The following LMOD1 variants were observed in gnomAD, a reference collection of about 807,000 sequenced individuals.
LMOD1 encodes the protein leiomodin-1.
LMOD1 carries 8 observed loss-of-function variants against 36.5 expected under a neutral mutation model. That is an observed-to-expected ratio of 0.22 (90% CI 0.13 to 0.40). The LOEUF (loss-of-function observed/expected upper bound fraction) is 0.40. LMOD1 is among the 10% of genes least tolerant of loss of function. The pLI is 1.00. For synonymous variants in LMOD1, 284 were observed against 288.7 expected (o/e 0.98, Z 0.17); for missense variants, 630 against 751.1 (o/e 0.84, Z 1.88).
At chr1:201,914,570 C>T (rs1049834582) in intron 1 of LMOD1, among the ~76,000 whole-genome samples, 1 of 152,086 alleles carries the variant, frequency 6.6e-6, no homozygotes, top group Non-Finnish European at 1.5e-5. Context: ...ATTCTTCTCC[C>T]TTCTCTTAGT....
At position 201,902,788 on chromosome 1, in the gene LMOD1, A is replaced by T. The variant is rs551233727; in HGVS notation, c.262-2037T>A. On this transcript the variant is annotated intron_variant, in intron 1 of 2. Transcript: ENST00000367288. Reference sequence around the variant, plus strand: ...CACAGCATAAGCCACCCACACCTCCATGGATCCCTGTTTCTTCCTCCGTAA... The same window carrying T: ...CACAGCATAAGCCACCCACACCTCCTTGGATCCCTGTTTCTTCCTCCGTAA... Among the ~76,000 whole-genome samples the T allele has an allele frequency of 5.3e-5, 8 of 152,226 alleles. No homozygotes were observed. The East Asian group carries it at 1.5e-3, about 29-fold the overall frequency.
At chr1:201,915,140 C>T (rs1198229428) in intron 1 of LMOD1, among the ~76,000 whole-genome samples, 1 of 152,128 alleles carries the variant, frequency 6.6e-6, no homozygotes. Flanking sequence ...TGGCCAGGTC[C>T]TTCCTTCAAA....
At chr1:201,901,688 G>GTA (rs1345764128) in intron 1 of LMOD1, among the ~76,000 whole-genome samples, 2 of 92,118 alleles carry the variant, frequency 2.2e-5, no homozygotes, top group Middle Eastern at 5.2e-3. Flanking sequence ...ATATATATAT[G>GTA]TGTATATATA....
At chr1:201,901,642 A>G (rs1558234867) in intron 1 of LMOD1, among the ~76,000 whole-genome samples, 2 of 77,996 alleles carry the variant, frequency 2.6e-5, no homozygotes, top group Admixed American at 1.8e-4. Flanking sequence ...ATATATATAT[A>G]TATATACATA....
intron 1 of LMOD1, among the ~76,000 whole-genome samples, chr1:201,926,858 A>AAT (rs928524046): frequency 5.9e-5 from 9 of 152,208 alleles, no homozygotes; most frequent in Admixed American, 3.9e-4. Context: ...CTCTACAAAA[A>AAT]ATACAAAAAA....
chr1:201,922,811 T>C (rs969947322), intron 1 of LMOD1, among the ~76,000 whole-genome samples: 4 of 151,642 alleles, frequency 2.6e-5, no homozygotes, highest in African/African-American at 7.2e-5. Context: ...AAACACTGCA[T>C]TGGGTATTTT....
At chr1:201,916,432 T>C (rs946582559) in intron 1 of LMOD1, among the ~76,000 whole-genome samples, 1 of 152,054 alleles carries the variant, frequency 6.6e-6, no homozygotes, top group Non-Finnish European at 1.5e-5. Flanking sequence ...GAGGATCACC[T>C]GAGCCAAGGG....
At chr1:201,935,386 G>T (rs1681999471) in intron 1 of LMOD1, among the ~76,000 whole-genome samples, 1 of 120,848 alleles carries the variant, frequency 8.3e-6, no homozygotes, top group South Asian at 2.7e-4. Flanking sequence ...TCCCCTTGGG[G>T]GTCTACTAAG....
intron 1 of LMOD1, among the ~76,000 whole-genome samples, chr1:201,926,791 A>G (rs1681832562): frequency 6.6e-6 from 1 of 152,096 alleles, no homozygotes; most frequent in South Asian, 2.1e-4. Context: ...CTGAGGAGGG[A>G]GGATTGCTTG....
At chr1:201,921,823 G>A (rs572919258) in intron 1 of LMOD1, among the ~76,000 whole-genome samples, 1 of 152,126 alleles carries the variant, frequency 6.6e-6, no homozygotes, top group Non-Finnish European at 1.5e-5. Context: ...AGCCAGGCGT[G>A]GTGGTGGGCG....
intron 1 of LMOD1, among the ~76,000 whole-genome samples, chr1:201,922,979 C>T (rs1053818691): frequency 1.3e-5 from 2 of 152,062 alleles, no homozygotes; most frequent in African/African-American, 2.4e-5. Flanking sequence ...TGCGCACCAC[C>T]ATGCCCGGCT....
chr1:201,942,554 G>A (rs1481146853), intron 1 of LMOD1, among the ~76,000 whole-genome samples: 1 of 152,146 alleles, frequency 6.6e-6, no homozygotes, highest in Non-Finnish European at 1.5e-5. Flanking sequence ...AGGGCCCTCT[G>A]GCAGCCTAGA....
chr1:201,900,436 C>G lies in LMOD1; in HGVS notation c.577G>C (p.Gly193Arg), dbSNP rs756461557. 1 of 1,592,172 alleles carries G rather than the reference C, an allele frequency of 6.3e-7. No homozygotes were observed. Residue 193 changes from glycine to arginine, a missense_variant, in exon 2 of 3, where the codon GGG becomes CGG. By Grantham distance (125) the Gly-to-Arg change is moderately radical (BLOSUM62 -2). Coordinates refer to ENST00000367288, the MANE Select transcript of LMOD1 (RefSeq NM_012134.3). The part of the protein sequence containing the change: ...VATKKEEEKK[G>R]SDRNTGLSRD... ...CTCAAGCCTGTGTTCCTGTCACTCC[C>G]TTTCTTCTCCTCTTCCTTCTTGGTG...
At position 201,900,649 on chromosome 1, in the gene LMOD1, C is replaced by G. The variant is rs767079916; in HGVS notation, c.364G>C (p.Gly122Arg). The G allele has an allele frequency of 6.2e-7, 1 of 1,613,956 alleles. No individual in the cohort carries two copies. The highest frequency in any genetic ancestry group is 1.7e-5 in the Admixed American group (1 of 60,020). ...AAACCACCCCTCTTTGGCTCCTTCC[C>G]CAGATCTGAGTCCCGTCTGGGGCCC... ...ALGPRRDSDL[G>R]KEPKRGGLKK... is the part of the protein sequence containing the mutation. Residue 122 changes from glycine (G) to arginine (R), a missense_variant, in exon 2 of 3, where the codon GGG becomes CGG. This residue lies in a region of LMOD1 where 405 missense variants were observed against 400.6 expected (regional missense o/e 1.01). Transcript: ENST00000367288.
intron 1 of LMOD1, among the ~76,000 whole-genome samples, chr1:201,904,572 C>G (rs958908538): frequency 6.6e-6 from 1 of 152,170 alleles, no homozygotes; most frequent in Non-Finnish European, 1.5e-5. Flanking sequence ...TATCCTAATC[C>G]AGGACTACTC....
chr1:201,923,006 G>A (rs1171296292), intron 1 of LMOD1, among the ~76,000 whole-genome samples: 2 of 152,040 alleles, frequency 1.3e-5, no homozygotes, highest in Non-Finnish European at 2.9e-5. Flanking sequence ...TGTATTTTTA[G>A]TAGAGATAGG....
intron 1 of LMOD1, among the ~76,000 whole-genome samples, chr1:201,944,916 A>G (rs569834615): frequency 6.6e-6 from 1 of 152,234 alleles, no homozygotes; most frequent in Non-Finnish European, 1.5e-5. Flanking sequence ...ATTTTGGATG[A>G]TAATGTTCCC....
intron 1 of LMOD1, among the ~76,000 whole-genome samples, chr1:201,914,363 T>C (rs1474524985): frequency 6.6e-6 from 1 of 152,152 alleles, no homozygotes; most frequent in Non-Finnish European, 1.5e-5. Flanking sequence ...ACTTTGCTCT[T>C]ATGTCAACAT....
chr1:201,938,986 C>G (rs1172540156), intron 1 of LMOD1, among the ~76,000 whole-genome samples: 2 of 152,160 alleles, frequency 1.3e-5, no homozygotes, highest in Admixed American at 6.5e-5. Context: ...TCAGTTTGGG[C>G]CCCTGAGCCT....
Sources: gnomAD v4.1 joint callset for allele counts (sites outside exome capture counted in the v4.1 genomes callset) on GRCh38, gnomAD v4.1.1 for gene constraint, gnomAD v4.1.1 regional missense constraint, MANE v1.5 for transcripts, NCBI Gene and HGNC (gene_info 2026-07-23, HGNC 2026-07-21) for gene names.